TTC28: variants seen among roughly 807,000 people sequenced by gnomAD.
TTC28 encodes tetratricopeptide repeat domain 28, also known as tetratricopeptide repeat protein 28.
A neutral mutation model predicts 198.0 loss-of-function variants in TTC28; 61 were observed. The ratio of observed to expected loss-of-function variants is 0.31; its 90% confidence interval spans 0.25 to 0.38. TTC28 has a LOEUF of 0.38. Among genes scored for constraint, TTC28 ranks in the 10% least tolerant of loss-of-function variants. The pLI is 1.00. For missense variants in TTC28, 2,678 were observed against 3,164.0 expected, an observed-to-expected ratio of 0.85 and a Z score of 3.69; for synonymous variants, 1,171 against 1,297.8, an observed-to-expected ratio of 0.90 and a Z score of 2.10.
intron 2 of TTC28, among the ~76,000 whole-genome samples, chr22:28,553,798 G>A (rs550894023): frequency 4.1e-4 from 63 of 152,034 alleles, no homozygotes; most frequent in Non-Finnish European, 7.9e-4. Flanking sequence ...GGGAGGTGAG[G>A]GGCACCTCTG....
At chr22:28,088,357 C>T (rs1601605727) in intron 12 of TTC28, among the ~76,000 whole-genome samples, 1 of 152,020 alleles carries the variant, frequency 6.6e-6, no homozygotes, top group African/African-American at 2.4e-5. Flanking sequence ...GAAATAACGC[C>T]GCATATCTAC....
intron 2 of TTC28, among the ~76,000 whole-genome samples, chr22:28,354,620 G>A (rs529294415): frequency 5.3e-5 from 8 of 152,116 alleles, no homozygotes; most frequent in East Asian, 1.9e-4. Flanking sequence ...TAACAGTTAC[G>A]TATGTACCTA....
chr22:28,314,755 C>A (rs1432300805), intron 2 of TTC28, among the ~76,000 whole-genome samples: 1 of 152,112 alleles, frequency 6.6e-6, no homozygotes, highest in Non-Finnish European at 1.5e-5. Flanking sequence ...TGCCTGTAGT[C>A]CTAGCTACTT....
chr22:28,134,824 C>G (rs562992394), intron 6 of TTC28, among the ~76,000 whole-genome samples: 1 of 152,230 alleles, frequency 6.6e-6, no homozygotes, highest in Admixed American at 6.5e-5. Context: ...AACTTTCCAT[C>G]TGGTTTTTCT....
chr22:28,603,614 C>T (rs1468948351), intron 2 of TTC28, among the ~76,000 whole-genome samples: 1 of 152,050 alleles, frequency 6.6e-6, no homozygotes, highest in African/African-American at 2.4e-5. Context: ...AGGCTTGTCT[C>T]AAATTTCTGT....
rs1215865850 is a variant in TTC28, at chr22:28,101,301, T to G, written c.3308-21A>C. The stretch of plus-strand genomic sequence containing the variant: ...TAAACCTGAAACCAGATAGAGAAAT[T>G]TAAGGAAACATAGAAGATGGATAAT... On this transcript the variant is annotated intron_variant, in intron 8 of 22. Transcript: ENST00000397906. 7.2e-6 allele frequency: 11 copies of G among 1,530,208 alleles called. No individual in the cohort carries two copies. The East Asian group carries it at 2.4e-4, about 34-fold the overall frequency. 94.8% of individuals were successfully genotyped at this position (1,530,208 alleles called of 1,614,324 possible). A position where few individuals can be genotyped will look rare whatever the true frequency, so the allele number is the denominator to read the frequency against.
chr22:28,168,905 A>T (rs1922331897), intron 5 of TTC28, among the ~76,000 whole-genome samples: 1 of 152,182 alleles, frequency 6.6e-6, no homozygotes, highest in South Asian at 2.1e-4. Flanking sequence ...ATGGGAGAAA[A>T]TTTTTGCAAC....
In TTC28 at chr22:28,243,174, C is replaced by CAAAAAAAAAAA. The variant is rs754700795; in HGVS notation, c.933+53013_933+53023dup. On this transcript the variant is annotated intron_variant, in intron 5 of 22. Coordinates refer to ENST00000397906, the MANE Select transcript of TTC28 (RefSeq NM_001145418.2). The stretch of plus-strand genomic sequence containing the variant: ...GCAACCTGGCAAAACCCCCTCTCTA[C>CAAAAAAAAAAA]AAAAAAAAAAAAAAAAAAAAAAAAA... 1.6e-3 allele frequency among the ~76,000 whole-genome samples: 111 copies of CAAAAAAAAAAA among 68,332 alleles called. 12 individuals carry two copies. Among genetic ancestry groups the CAAAAAAAAAAA allele is most frequent in the Non-Finnish European group, 1.9e-3 (74 of 38,914 alleles). 44.8% of individuals were successfully genotyped at this position (68,332 alleles called of 152,430 possible). A position where few individuals can be genotyped will look rare whatever the true frequency, so the allele number is the denominator to read the frequency against.
At chr22:28,280,041 C>T (rs907288929) in intron 5 of TTC28, among the ~76,000 whole-genome samples, 2 of 152,142 alleles carry the variant, frequency 1.3e-5, no homozygotes, top group African/African-American at 4.8e-5. Flanking sequence ...AGTAAAACTG[C>T]CATAAACATT....
Position 28,510,827 on chromosome 22 carries a change from T to A in TTC28, c.381+118725A>T, listed in dbSNP as rs183619010. Among the ~76,000 whole-genome samples, 5 of 152,026 alleles carry A rather than the reference T, an allele frequency of 3.3e-5. No individual in the cohort carries two copies. The East Asian group carries it at 9.7e-4, about 30-fold the overall frequency. The stretch of plus-strand genomic sequence containing the variant: ...ACAAAGTCTCAGAATACAAAATCAA[T>A]GTGCAAAAATCACTAGCATTCCTAT... On this transcript the variant is annotated intron_variant, in intron 2 of 22. Transcript: ENST00000397906.
chr22:28,396,967 G>A (rs532032990), intron 2 of TTC28, among the ~76,000 whole-genome samples: 6 of 152,282 alleles, frequency 3.9e-5, no homozygotes, highest in African/African-American at 1.4e-4. Context: ...TGTACACAAT[G>A]AAATGTACCA....
At chr22:28,406,893 G>T (rs2047005268) in intron 2 of TTC28, among the ~76,000 whole-genome samples, 1 of 152,068 alleles carries the variant, frequency 6.6e-6, no homozygotes, top group African/African-American at 2.4e-5. Context: ...TAAAATTTTG[G>T]AAAGGCTATT....
chr22:28,379,817 A>C (rs1219296533), intron 2 of TTC28, among the ~76,000 whole-genome samples: 5 of 152,166 alleles, frequency 3.3e-5, no homozygotes, highest in African/African-American at 1.2e-4. Context: ...GATTTTTTTA[A>C]TGTGAAAGAC....
intron 5 of TTC28, among the ~76,000 whole-genome samples, chr22:28,164,586 G>C (rs563554839): frequency 5.1e-4 from 77 of 152,310 alleles, no homozygotes; most frequent in Non-Finnish European, 1.0e-3. Flanking sequence ...TGAGGGTCCT[G>C]ACTGTTAGAA....
Position 28,094,224 on chromosome 22 carries a change from T to C in TTC28, c.3788A>G (p.His1263Arg). The C allele has an allele frequency of 6.5e-7, 1 of 1,546,366 alleles. No individual in the cohort carries two copies. The highest frequency in any genetic ancestry group is 8.7e-7 in the Non-Finnish European group (1 of 1,145,126). ...PGAGIVKFHE[H>R]YLGENTVENS... ...TTCCACTGTGTTCTCACCCAGGTAG[T>C]GTTCATGAAACTTCACAATTCCTGA... The change falls in exon 12 of 23, where the codon CAC becomes CGC. Residue 1263 changes from histidine (H) to arginine (R), a missense_variant. Transcript: ENST00000397906.
intron 2 of TTC28, among the ~76,000 whole-genome samples, chr22:28,510,370 A>T (rs1444541023): frequency 6.6e-6 from 1 of 152,218 alleles, no homozygotes; most frequent in African/African-American, 2.4e-5. Context: ...CAACATACAC[A>T]AATCAATAAA....
At chr22:28,285,781 C>T (rs1024783823) in intron 5 of TTC28, among the ~76,000 whole-genome samples, 10 of 152,142 alleles carry the variant, frequency 6.6e-5, no homozygotes, top group Non-Finnish European at 1.5e-4. Flanking sequence ...AATCCCACTT[C>T]TCAGATGCTA....
chr22:28,494,103 G>A (rs1259828551), intron 2 of TTC28, among the ~76,000 whole-genome samples: 1 of 152,148 alleles, frequency 6.6e-6, no homozygotes, highest in East Asian at 1.9e-4. Context: ...TGATAATGGT[G>A]CAGCCATATG....
At chr22:28,021,255 G>C (rs1272855308) in intron 13 of TTC28, among the ~76,000 whole-genome samples, 1 of 152,192 alleles carries the variant, frequency 6.6e-6, no homozygotes, top group East Asian at 1.9e-4. Context: ...AGATGGCTGG[G>C]AGGAGGGAAC....
Sources: gnomAD v4.1 joint callset for allele counts (sites outside exome capture counted in the v4.1 genomes callset) on GRCh38, gnomAD v4.1.1 for gene constraint, MANE v1.5 for transcripts, NCBI Gene and HGNC (gene_info 2026-07-23, HGNC 2026-07-21) for gene names.